PLCE1: variants seen among roughly 807,000 people sequenced by gnomAD.
The protein encoded by PLCE1 is phospholipase C epsilon 1, also known as 1-phosphatidylinositol 4,5-bisphosphate phosphodiesterase epsilon-1.
In PLCE1, 119 loss-of-function variants were observed where a neutral mutation model predicts 242.8. The observed-to-expected ratio is 0.49, with a 90% CI of 0.42 to 0.57. The LOEUF is 0.57. Ranked by LOEUF, PLCE1 falls within the 20% of genes least tolerant of loss-of-function variation. PLCE1 has a pLI of 0.00. For missense variants in PLCE1, 2,441 were observed against 2,788.8 expected (o/e 0.88, Z 2.81); for synonymous variants, 945 against 1,017.4 (o/e 0.93, Z 1.35).
At chr10:94,117,732 C>T (rs2046176827) in intron 2 of PLCE1, among the ~76,000 whole-genome samples, 1 of 152,158 alleles carries the variant, frequency 6.6e-6, no homozygotes, top group Non-Finnish European at 1.5e-5. Context: ...TTGACACTGC[C>T]TTTAATTATG....
chr10:94,038,215 A>G (rs1452531560), intron 2 of PLCE1, among the ~76,000 whole-genome samples: 2 of 152,204 alleles, frequency 1.3e-5, no homozygotes, highest in East Asian at 3.9e-4. Flanking sequence ...CACCCTGTTG[A>G]TCAAATGATT....
chr10:94,215,890 T>A (rs1203165929), intron 4 of PLCE1, among the ~76,000 whole-genome samples: 1 of 151,994 alleles, frequency 6.6e-6, no homozygotes, highest in East Asian at 1.9e-4. Context: ...GCCACTGCAC[T>A]CCAGCCTGGG....
intron 13 of PLCE1, among the ~76,000 whole-genome samples, chr10:94,261,730 A>G (rs1006969137): frequency 3.3e-5 from 5 of 152,178 alleles, no homozygotes; most frequent in African/African-American, 1.2e-4. Context: ...TATTCCTTCC[A>G]TGTGACCAGC....
chr10:94,277,638 T>C (rs1364104142), intron 19 of PLCE1, among the ~76,000 whole-genome samples: 1 of 152,206 alleles, frequency 6.6e-6, no homozygotes, highest in African/African-American at 2.4e-5. Context: ...GCACTTGGCA[T>C]TACCTTGAGT....
chr10:94,049,411 C>G (rs1169294440), intron 2 of PLCE1, among the ~76,000 whole-genome samples: 1 of 152,160 alleles, frequency 6.6e-6, no homozygotes, highest in Non-Finnish European at 1.5e-5. Context: ...TCTAATCTGA[C>G]ATGTCACCTC....
rs541143713 is a variant in PLCE1, at chr10:94,070,490, G to C, written c.1206+38238G>C. On this transcript the variant is annotated intron_variant, in intron 2 of 32. Transcript: ENST00000371380. ...CTTCCCTCTCTTTCCCAGGAATGCTGATCCCCCAGCACAGGCTAGTTTGTT... is the reference window on the plus strand; with the variant it reads ...CTTCCCTCTCTTTCCCAGGAATGCTCATCCCCCAGCACAGGCTAGTTTGTT... Among the ~76,000 whole-genome samples the C allele has an allele frequency of 1.3e-3, 199 of 152,258 alleles. 1 individual carries two copies. The highest frequency in any genetic ancestry group is 4.7e-3 in the African/African-American group (195 of 41,544).
At chr10:94,238,284 A>T (rs1427151960) in intron 7 of PLCE1, among the ~76,000 whole-genome samples, 1 of 152,188 alleles carries the variant, frequency 6.6e-6, no homozygotes, top group African/African-American at 2.4e-5. Flanking sequence ...AAACTTCAAG[A>T]TCTCAGCAGG....
chr10:94,172,980 A>G (rs1161828425), intron 4 of PLCE1, among the ~76,000 whole-genome samples: 1 of 152,250 alleles, frequency 6.6e-6, no homozygotes, highest in Non-Finnish European at 1.5e-5. Flanking sequence ...GCGGTTCTGT[A>G]TCCAGACATG....
At chr10:93,995,320 C>A (rs1161345314) in intron 1 of PLCE1, among the ~76,000 whole-genome samples, 1 of 152,172 alleles carries the variant, frequency 6.6e-6, no homozygotes, top group Non-Finnish European at 1.5e-5. Flanking sequence ...GCACATCTTC[C>A]CCCACATCCA....
chr10:94,031,629 A>C lies in PLCE1; in HGVS notation c.583A>C (p.Arg195=), dbSNP rs1204808932. 6.2e-7 allele frequency: 1 copy of C among 1,613,718 alleles called. No homozygotes were observed. The highest frequency in any genetic ancestry group is 2.2e-5 in the East Asian group (1 of 44,870). ...ATTTCATTTTCATTATGAAGTTGAC[A>C]GAAGAATGTCAGACACTTTCTGTAC... ...AVFHFHYEVD[R]RMSDTFCTLS... is the part of the protein sequence containing the mutation. Residue 195 remains arginine, a synonymous_variant, in exon 2 of 33, where the codon AGA becomes CGA. Transcript: ENST00000371380.
chr10:94,264,608 G>A (rs974119915), intron 14 of PLCE1, among the ~76,000 whole-genome samples: 4 of 130,998 alleles, frequency 3.1e-5, no homozygotes, highest in African/African-American at 1.1e-4. Context: ...TGCAACCTCC[G>A]CCTCCCAGGT....
intron 27 of PLCE1, among the ~76,000 whole-genome samples, chr10:94,310,977 A>G (rs1310016087): frequency 2.0e-5 from 3 of 152,176 alleles, no homozygotes; most frequent in African/African-American, 4.8e-5. Context: ...CTCAGATTCA[A>G]GAGTTTGCTA....
Position 94,254,873 on chromosome 10 carries a change from T to G in PLCE1, c.3398-20T>G. Reference sequence around the variant, plus strand: ...GTATAATCTGAGTCATTCTCTCTTTTCTGTCTTTCATCCTCACAGAGGTGA... The same window carrying G: ...GTATAATCTGAGTCATTCTCTCTTTGCTGTCTTTCATCCTCACAGAGGTGA... On this transcript the variant is annotated intron_variant, in intron 10 of 32. Transcript: ENST00000371380. 6.2e-7 allele frequency: 1 copy of G among 1,613,502 alleles called. No individual in the cohort carries two copies. The highest frequency in any genetic ancestry group is 1.1e-5 in the South Asian group (1 of 91,074).
At chr10:94,104,942 A>C (rs1372788423) in intron 2 of PLCE1, 1 of 152,246 alleles carries the variant, frequency 6.6e-6, no homozygotes, top group African/African-American at 2.4e-5. Context: ...GCTTTCTCAA[A>C]AAGGAAGCAA....
At chr10:94,114,485 G>A (rs1178238241) in intron 2 of PLCE1, among the ~76,000 whole-genome samples, 2 of 152,078 alleles carry the variant, frequency 1.3e-5, no homozygotes, top group East Asian at 1.9e-4. Context: ...ACCTTTCCAC[G>A]TTTGCTTTGT....
intron 13 of PLCE1, among the ~76,000 whole-genome samples, chr10:94,260,230 A>G (rs893013600): frequency 1.6e-4 from 24 of 152,138 alleles, no homozygotes; most frequent in African/African-American, 5.8e-4. Flanking sequence ...TGACAAGGAG[A>G]GTCTTTAGCG....
chr10:94,025,070 T>TC (rs963488514), intron 1 of PLCE1, among the ~76,000 whole-genome samples: 4 of 152,082 alleles, frequency 2.6e-5, no homozygotes, highest in African/African-American at 9.7e-5. Flanking sequence ...GTTTTTTTTT[T>TC]CCTATACATG....
chr10:94,303,881 A>G lies in PLCE1; in HGVS notation c.5459-601A>G, dbSNP rs565477292. ...TCTCCTTGTTATTTTTCCCTAAACA[A>G]TACAGTATGGCAACCATTTACATAG... On this transcript the variant is annotated intron_variant, in intron 24 of 32. Transcript: ENST00000371380. 1.6e-3 allele frequency among the ~76,000 whole-genome samples: 243 copies of G among 152,288 alleles called. 1 individual carries two copies. Among genetic ancestry groups the G allele is most frequent in the African/African-American group, 5.7e-3 (236 of 41,572 alleles).
Position 94,246,155 on chromosome 10 carries a change from C to G in PLCE1, c.2630C>G (p.Ser877Cys). The change falls in exon 8 of 33, where the codon TCT (serine) becomes TGT (cysteine). Residue 877 changes from serine to cysteine, a missense_variant. Physicochemically the swap from Ser to Cys is moderately radical, Grantham distance 112 (BLOSUM62 -1). Transcript: ENST00000371380. ...CACTACGACCAGGACACACACCTCTCTGCCCGCTGCTTCCTCCAGCTTCAG... is the reference window on the plus strand; with the variant it reads ...CACTACGACCAGGACACACACCTCTGTGCCCGCTGCTTCCTCCAGCTTCAG... ...VIHYDQDTHLSARCFLQLQPD... is the reference protein window; with the variant it reads ...VIHYDQDTHLCARCFLQLQPD... 2 of 1,614,142 alleles carry G rather than the reference C, an allele frequency of 1.2e-6. No individual in the cohort carries two copies. The highest frequency in any genetic ancestry group is 1.7e-6 in the Non-Finnish European group (2 of 1,180,012).
Sources: allele counts gnomAD v4.1 joint callset (sites outside exome capture counted in the v4.1 genomes callset), GRCh38; gene constraint gnomAD v4.1.1; transcripts MANE v1.5; gene names NCBI Gene and HGNC (gene_info 2026-07-23, HGNC 2026-07-21).